Variants in RGS6 observed in about 807,000 individuals in gnomAD.
The protein encoded by RGS6 is regulator of G protein signaling 6, also known as regulator of G-protein signaling 6.
In RGS6, 30 loss-of-function variants were observed where a neutral mutation model predicts 78.5. The observed-to-expected ratio is 0.38, with a 90% CI of 0.29 to 0.52. The LOEUF (loss-of-function observed/expected upper bound fraction) is 0.52, where lower values mean the gene tolerates loss of function less well. Ranked by LOEUF, RGS6 falls within the 20% of genes least tolerant of loss-of-function variation. The pLI, the probability that RGS6 is intolerant of heterozygous loss-of-function variation, is 0.85. For missense variants in RGS6, 495 were observed against 609.7 expected, an observed-to-expected ratio of 0.81 and a Z score of 1.98; for synonymous variants, 206 against 206.0, an observed-to-expected ratio of 1.00 and a Z score of 0.00.
At chr14:72,072,313 G>GTT (rs1180674409) in intron 2 of RGS6, among the ~76,000 whole-genome samples, 8 of 140,612 alleles carry the variant, frequency 5.7e-5, no homozygotes, top group Admixed American at 1.4e-4. Context: ...TAGTTTGTTT[G>GTT]TTTTTTTTTT....
chr14:71,910,993 G>A, the RGS6 span, among the ~76,000 whole-genome samples: 1 of 152,128 alleles, frequency 6.6e-6, no homozygotes, highest in Non-Finnish European at 1.5e-5. Flanking sequence ...TTTCCATAAG[G>A]TATATTATTG....
intron 17 of RGS6, among the ~76,000 whole-genome samples, chr14:72,552,284 G>A (rs975633978): frequency 6.6e-6 from 1 of 152,222 alleles, no homozygotes; most frequent in East Asian, 1.9e-4. Flanking sequence ...TGAAGGGACT[G>A]TGGTGCCCAG....
chr14:72,616,513 G>A, the RGS6 span, among the ~76,000 whole-genome samples: 2 of 152,180 alleles, frequency 1.3e-5, no homozygotes, highest in Non-Finnish European at 2.9e-5. Context: ...CACACAAGAA[G>A]GCGGACATGG....
the RGS6 span, among the ~76,000 whole-genome samples, chr14:71,902,245 G>A: frequency 4.6e-5 from 7 of 152,186 alleles, no homozygotes; most frequent in Admixed American, 2.6e-4. Context: ...ATTCAGCTAT[G>A]AGACATGATA....
At chr14:72,593,617 C>T in the RGS6 span, among the ~76,000 whole-genome samples, 28 of 152,244 alleles carry the variant, frequency 1.8e-4, no homozygotes, top group Non-Finnish European at 2.9e-4. Flanking sequence ...GAACTCCTGT[C>T]CTCAAGTGAT....
chr14:72,395,943 T>C (rs547470555), intron 3 of RGS6, among the ~76,000 whole-genome samples: 1 of 152,280 alleles, frequency 6.6e-6, no homozygotes, highest in Non-Finnish European at 1.5e-5. Context: ...TGTTGGACAT[T>C]TGGCTTGGTT....
chr14:72,559,896 C>T (rs899956737), intron 17 of RGS6, among the ~76,000 whole-genome samples: 41 of 152,204 alleles, frequency 2.7e-4, no homozygotes, highest in African/African-American at 8.9e-4. Context: ...AGCCTCAGGG[C>T]CAAATTCACC....
intron 2 of RGS6, among the ~76,000 whole-genome samples, chr14:72,278,090 TG>T (rs1567645920): frequency 6.6e-6 from 1 of 151,610 alleles, no homozygotes; most frequent in East Asian, 1.9e-4. Flanking sequence ...GAAAAGAAAA[TG>T]GTAGGGTCTG....
intron 2 of RGS6, among the ~76,000 whole-genome samples, chr14:72,242,376 A>G (rs1256538386): frequency 6.6e-6 from 1 of 152,178 alleles, no homozygotes; most frequent in Non-Finnish European, 1.5e-5. Flanking sequence ...AGGCTCTGCT[A>G]TAGTCAGATA....
chr14:71,945,750 G>A (rs1485025625), intron 1 of RGS6, among the ~76,000 whole-genome samples: 2 of 152,162 alleles, frequency 1.3e-5, no homozygotes, highest in African/African-American at 4.8e-5. Flanking sequence ...TGGAGAATGT[G>A]TTTAAGCGAG....
chr14:72,541,774 C>T (rs1001840492), intron 17 of RGS6, among the ~76,000 whole-genome samples: 1 of 152,168 alleles, frequency 6.6e-6, no homozygotes, highest in African/African-American at 2.4e-5. Context: ...CCGTGCAGGC[C>T]ACGGGTGTGA....
chr14:72,132,141 G>C (rs1272634557), intron 2 of RGS6, among the ~76,000 whole-genome samples: 1 of 152,126 alleles, frequency 6.6e-6, no homozygotes, highest in Non-Finnish European at 1.5e-5. Flanking sequence ...GATTAATTTA[G>C]AGGTGGGAGG....
At chr14:72,173,932 ACTCT>A (rs1245039904) in intron 2 of RGS6, among the ~76,000 whole-genome samples, 1 of 152,002 alleles carries the variant, frequency 6.6e-6, no homozygotes, top group Non-Finnish European at 1.5e-5. Flanking sequence ...AGGATAATAC[ACTCT>A]TAGATGTGTA....
downstream of RGS6, chr14:72,566,678 CACACCT>C (rs2097712953): frequency 6.4e-5 from 8 of 125,466 alleles, no homozygotes; most frequent in Admixed American, 5.0e-4. Context: ...CACACACACA[CACACCT>C]GTTTCCTTCT....
Position 72,300,462 on chromosome 14 carries a change from T to G in RGS6, c.85-51633T>G, listed in dbSNP as rs191046176. ...ACCTGCAGACCTGATTATTCCAGTA[T>G]AGCAAAAGCATTCTGTCTCAGCCTG... On this transcript the variant is annotated intron_variant, in intron 2 of 17. Coordinates refer to ENST00000553525, the MANE Select transcript of RGS6 (RefSeq NM_001204424.2). Among the ~76,000 whole-genome samples the G allele has an allele frequency of 3.9e-3, 596 of 152,336 alleles. 3 individuals are homozygous for G. Among genetic ancestry groups the G allele is most frequent in the African/African-American group, 0.013 (534 of 41,582 alleles).
intron 2 of RGS6, among the ~76,000 whole-genome samples, chr14:72,328,507 A>T (rs1252753397): frequency 6.6e-6 from 1 of 152,298 alleles, no homozygotes; most frequent in African/African-American, 2.4e-5. Context: ...GGCCCAAATC[A>T]CTAGATCACC....
intron 17 of RGS6, among the ~76,000 whole-genome samples, chr14:72,555,007 G>A (rs1193840076): frequency 6.6e-6 from 1 of 152,218 alleles, no homozygotes; most frequent in African/African-American, 2.4e-5. Context: ...AGAAAGTGAT[G>A]AGCATGGTGA....
chr14:72,189,587 G>T (rs2097296395), intron 2 of RGS6, among the ~76,000 whole-genome samples: 1 of 152,084 alleles, frequency 6.6e-6, no homozygotes. Context: ...TGCAGTAAGT[G>T]ATTTTTATTA....
chr14:72,192,622 C>A (rs1042650952), intron 2 of RGS6, among the ~76,000 whole-genome samples: 10 of 152,236 alleles, frequency 6.6e-5, no homozygotes, highest in Admixed American at 4.6e-4. Context: ...TCCTGCTCCT[C>A]CCTTAAGACA....
Sources: gnomAD v4.1 joint callset for allele counts (sites outside exome capture counted in the v4.1 genomes callset) on GRCh38, gnomAD v4.1.1 for gene constraint, MANE v1.5 for transcripts, NCBI Gene and HGNC (gene_info 2026-07-23, HGNC 2026-07-21) for gene names.